The following TIAM1 variants were observed in gnomAD, a reference collection of about 807,000 sequenced individuals.
TIAM1 encodes TIAM Rac1 associated GEF 1, also known as rho guanine nucleotide exchange factor TIAM1.
In TIAM1, 65 loss-of-function variants were observed where a neutral mutation model predicts 163.5. That is an observed-to-expected ratio of 0.40 (90% confidence interval 0.33 to 0.49). The LOEUF is 0.49. TIAM1 is among the 20% of genes least tolerant of loss of function. The pLI is 0.77. For synonymous variants in TIAM1, 833 were observed against 810.1 expected (o/e 1.03, Z -0.48); for missense variants, 1,789 against 2,044.7 (o/e 0.87, Z 2.41).
intron 2 of TIAM1, among the ~76,000 whole-genome samples, chr21:31,459,548 C>T (rs1275742158): frequency 1.3e-5 from 2 of 152,148 alleles, no homozygotes; most frequent in East Asian, 1.9e-4. Flanking sequence ...AGAGAAAAGG[C>T]CCCAGATGTT....
At position 31,124,685 on chromosome 21, in the gene TIAM1, C is replaced by G. The variant is rs1355861685; in HGVS notation, c.4143G>C (p.Glu1381Asp). The change falls in exon 27 of 28, where the codon GAG becomes GAC. Residue 1381 changes from glutamate to aspartate, a missense_variant. Glu to Asp is a conservative substitution (Grantham distance 45). Transcript: ENST00000541036. ...RVFHLCCSSP[E>D]SRKDFLKAVH... ...CAGCCTTTAGGAAATCCTTTCGGCT[C>G]TCTGGGGAGCTAGGAAAAGAAGATT... is the stretch of plus-strand genomic sequence containing the variant. The G allele has an allele frequency of 6.4e-7, 1 of 1,573,036 alleles. No individual in the cohort carries two copies. The highest frequency in any genetic ancestry group is 8.6e-7 in the Non-Finnish European group (1 of 1,158,898).
At chr21:31,349,095 TTCGATTTAATTTTC>T (rs2147113338), upstream of TIAM1, among the ~76,000 whole-genome samples, 1 of 152,322 alleles carries the variant, frequency 6.6e-6, no homozygotes, top group Admixed American at 6.5e-5. Context: ...ATGATGAATG[TTCGATTTAATTTTC>T]TCTGCCTTCT....
chr21:31,501,093 C>T (rs1419625462), intron 1 of TIAM1, among the ~76,000 whole-genome samples: 1 of 152,050 alleles, frequency 6.6e-6, no homozygotes, highest in East Asian at 1.9e-4. Context: ...TCCCTCTCTC[C>T]TCCTCCCTGC....
chr21:31,279,897 G>A (rs2073469559), intron 2 of TIAM1, among the ~76,000 whole-genome samples: 1 of 152,110 alleles, frequency 6.6e-6, no homozygotes, highest in Non-Finnish European at 1.5e-5. Context: ...GTTATAAATT[G>A]AATGACATCA....
chr21:31,472,458 C>G (rs2045779284), intron 1 of TIAM1, among the ~76,000 whole-genome samples: 1 of 152,092 alleles, frequency 6.6e-6, no homozygotes, highest in Admixed American at 6.5e-5. Context: ...ACACAGGGGG[C>G]AGAGGTTTCA....
chr21:31,268,063 A>T (rs2072883935), intron 3 of TIAM1, among the ~76,000 whole-genome samples: 1 of 152,198 alleles, frequency 6.6e-6, no homozygotes. Context: ...AGCGCACTTC[A>T]AATTGTATGC....
intron 6 of TIAM1, among the ~76,000 whole-genome samples, chr21:31,229,944 C>T (rs556291044): frequency 1.3e-3 from 197 of 152,296 alleles, no homozygotes; most frequent in African/African-American, 4.5e-3. Context: ...TGAGCTACCG[C>T]GCCCGGCCAT....
intron 1 of TIAM1, among the ~76,000 whole-genome samples, chr21:31,489,400 AGGGGG>A (rs2046382853): frequency 2.5e-5 from 1 of 40,472 alleles, no homozygotes; most frequent in African/African-American, 1.1e-4. Context: ...GAGGGAGGGG[AGGGGG>A]AGGGAAGAAG....
At chr21:31,338,958 G>C (rs1602033517) in intron 2 of TIAM1, among the ~76,000 whole-genome samples, 1 of 152,028 alleles carries the variant, frequency 6.6e-6, no homozygotes, top group East Asian at 1.9e-4. Flanking sequence ...CATGGGGGCA[G>C]ACAAAAGAGA....
At chr21:31,484,791 C>T (rs184150097) in intron 1 of TIAM1, among the ~76,000 whole-genome samples, 144 of 152,310 alleles carry the variant, frequency 9.5e-4, no homozygotes, top group African/African-American at 3.1e-3. Flanking sequence ...TGTGCCCCAC[C>T]TCTCCAAATT....
intron 15 of TIAM1, among the ~76,000 whole-genome samples, chr21:31,172,563 C>G (rs1428701820): frequency 1.3e-5 from 2 of 152,120 alleles, no homozygotes; most frequent in Non-Finnish European, 2.9e-5. Flanking sequence ...CCATCCACAT[C>G]CCAGTACTGA....
chr21:31,291,124 C>T (rs1456235383), intron 2 of TIAM1, among the ~76,000 whole-genome samples: 2 of 152,136 alleles, frequency 1.3e-5, no homozygotes, highest in African/African-American at 2.4e-5. Flanking sequence ...TTGTGATTCA[C>T]CAAGATGCAG....
chr21:31,394,728 T>TCA (rs71318270), intron 2 of TIAM1, among the ~76,000 whole-genome samples: 3,311 of 95,676 alleles, frequency 0.035, 173 homozygotes, highest in East Asian at 0.23. Flanking sequence ...TCTCTCTCTC[T>TCA]CACACACACA....
At chr21:31,229,163 G>C (rs1011731057) in intron 6 of TIAM1, among the ~76,000 whole-genome samples, 1 of 152,112 alleles carries the variant, frequency 6.6e-6, no homozygotes, top group Non-Finnish European at 1.5e-5. Context: ...TTTTTGGTGG[G>C]ATGAGATGCA....
chr21:31,257,814 C>T (rs376632709), intron 4 of TIAM1, among the ~76,000 whole-genome samples: 35 of 152,216 alleles, frequency 2.3e-4, no homozygotes, highest in East Asian at 1.7e-3. Flanking sequence ...AGAATACTCA[C>T]GTCCCCCCTT....
intron 22 of TIAM1, among the ~76,000 whole-genome samples, 161 bp downstream of exon 22, chr21:31,140,957 T>C (rs1433953663): frequency 6.6e-6 from 1 of 152,194 alleles, no homozygotes; most frequent in Non-Finnish European, 1.5e-5. Flanking sequence ...AAAATTCACA[T>C]TGCAGCCTTG....
intron 2 of TIAM1, among the ~76,000 whole-genome samples, chr21:31,455,619 G>C (rs1188151119): frequency 4.6e-5 from 7 of 151,978 alleles, no homozygotes; most frequent in Non-Finnish European, 8.8e-5. Flanking sequence ...TGAAATATAG[G>C]CCACTGAACA....
intron 17 of TIAM1, 126 bp from the exon 18 acceptor site, chr21:31,153,260 C>T (rs1389584812): frequency 2.8e-6 from 2 of 713,302 alleles, no homozygotes; most frequent in Non-Finnish European, 4.2e-6. Context: ...GATCCTGTCC[C>T]GAAGGCTAAC....
intron 23 of TIAM1, among the ~76,000 whole-genome samples, chr21:31,132,435 C>T (rs2082448210): frequency 6.6e-6 from 1 of 152,314 alleles, no homozygotes; most frequent in South Asian, 2.1e-4. Flanking sequence ...GGAGGCCACA[C>T]CAGCTCTTCA....
Sources: allele counts gnomAD v4.1 joint callset (sites outside exome capture counted in the v4.1 genomes callset), GRCh38; gene constraint gnomAD v4.1.1; transcripts MANE v1.5; gene names NCBI Gene and HGNC (gene_info 2026-07-23, HGNC 2026-07-21).